PTK2: variants seen among roughly 807,000 people sequenced by gnomAD.
PTK2 encodes the protein protein tyrosine kinase 2, also known as focal adhesion kinase 1.
A neutral mutation model predicts 150.1 loss-of-function variants in PTK2; 45 were observed. That is an observed-to-expected ratio of 0.30 (90% CI 0.24 to 0.38). The LOEUF (loss-of-function observed/expected upper bound fraction) is 0.38, where lower values mean the gene tolerates loss of function less well. Among genes scored for constraint, PTK2 ranks in the 10% least tolerant of loss-of-function variants. The pLI, the probability that PTK2 is intolerant of heterozygous loss-of-function variation, is 1.00. For missense variants in PTK2, 919 were observed against 1,307.3 expected (o/e 0.70, Z 4.58); for synonymous variants, 432 against 449.2 (o/e 0.96, Z 0.48).
intron 21 of PTK2, among the ~76,000 whole-genome samples, chr8:140,736,488 T>C (rs903644834): frequency 6.7e-6 from 1 of 149,820 alleles, no homozygotes. Flanking sequence ...AATATATCCA[T>C]GTAACAAACC....
chr8:140,658,103 G>T (rs1223765008), exon 32 of PTK2: 1 of 152,164 alleles, frequency 6.6e-6, no homozygotes, highest in Non-Finnish European at 1.5e-5. Flanking sequence ...GTCCGAGTTA[G>T]CGGAATAGTG....
chr8:140,745,239 C>T (rs2100058031), intron 18 of PTK2, among the ~76,000 whole-genome samples: 1 of 152,158 alleles, frequency 6.6e-6, no homozygotes, highest in Non-Finnish European at 1.5e-5. Context: ...CCTCTTATTT[C>T]CTTCCCCATG....
At chr8:140,997,806 G>A (rs2100198368) in intron 1 of PTK2, among the ~76,000 whole-genome samples, 2 of 151,988 alleles carry the variant, frequency 1.3e-5, no homozygotes, top group Admixed American at 1.3e-4. Context: ...GGGAGTAGTG[G>A]TATGCACGTA....
chr8:140,764,513 C>A, intron 14 of PTK2: 2 of 531,906 alleles, frequency 3.8e-6, no homozygotes. Context: ...TATCGGAGAG[C>A]AAACAGGGCT....
intron 23 of PTK2, among the ~76,000 whole-genome samples, chr8:140,716,370 C>T (rs1191290795): frequency 6.6e-6 from 1 of 152,124 alleles, no homozygotes; most frequent in Non-Finnish European, 1.5e-5. Flanking sequence ...CTAGTTTTTT[C>T]TGTGGGTAAC....
intron 1 of PTK2, among the ~76,000 whole-genome samples, chr8:140,959,443 G>C (rs1426072723): frequency 6.6e-6 from 1 of 151,028 alleles, no homozygotes; most frequent in East Asian, 1.9e-4. Context: ...GGAGGCTGAG[G>C]TAAGAGAATG....
intron 1 of PTK2, among the ~76,000 whole-genome samples, chr8:140,967,644 G>C (rs909524995): frequency 1.1e-4 from 16 of 151,974 alleles, no homozygotes; most frequent in African/African-American, 3.4e-4. Context: ...ATTTTTAGTA[G>C]AGACAGGGTT....
intron 16 of PTK2, among the ~76,000 whole-genome samples, chr8:140,758,314 C>G (rs1346580402): frequency 2.0e-5 from 3 of 152,160 alleles, no homozygotes; most frequent in Non-Finnish European, 4.4e-5. Flanking sequence ...GTATTGAACT[C>G]CTGGGTTCGA....
At chr8:140,812,476 A>G (rs542663187) in intron 10 of PTK2, among the ~76,000 whole-genome samples, 30 of 152,358 alleles carry the variant, frequency 2.0e-4, no homozygotes, top group African/African-American at 7.0e-4. Context: ...AAGCAAACAC[A>G]CAAACAAGTT....
chr8:140,717,447 G>T, intron 23 of PTK2, 151 bp downstream of exon 26: 1 of 618,022 alleles, frequency 1.6e-6, no homozygotes, highest in Non-Finnish European at 2.9e-6. Context: ...ACGAGAAGAC[G>T]AGCAAAAAGG....
chr8:140,989,259 G>A (rs2100194686), intron 1 of PTK2, among the ~76,000 whole-genome samples: 1 of 148,440 alleles, frequency 6.7e-6, no homozygotes, highest in Admixed American at 6.8e-5. Context: ...TAGCCAGCAG[G>A]GTGATACACC....
intron 1 of PTK2, among the ~76,000 whole-genome samples, chr8:140,990,811 C>T (rs1370096840): frequency 6.6e-6 from 1 of 152,162 alleles, no homozygotes; most frequent in Non-Finnish European, 1.5e-5. Context: ...AATTGCCTCC[C>T]TTCAGATATT....
chr8:140,838,354 C>T (rs952012095), intron 7 of PTK2, among the ~76,000 whole-genome samples: 5 of 152,204 alleles, frequency 3.3e-5, no homozygotes, highest in Admixed American at 6.5e-5. Flanking sequence ...GAGAGAGCTG[C>T]TGGGGTTCCC....
chr8:140,916,966 G>A (rs1273309681), intron 2 of PTK2, among the ~76,000 whole-genome samples: 1 of 152,110 alleles, frequency 6.6e-6, no homozygotes, highest in Non-Finnish European at 1.5e-5. Context: ...GGAATAACAT[G>A]TATGTTTTTT....
chr8:140,995,227 C>T (rs2154610349), intron 1 of PTK2, among the ~76,000 whole-genome samples: 1 of 151,298 alleles, frequency 6.6e-6, no homozygotes, highest in Non-Finnish European at 1.5e-5. Context: ...ACTAAAAATA[C>T]AAAAAATTAG....
intron 1 of PTK2, among the ~76,000 whole-genome samples, chr8:140,955,834 G>A (rs2100181018): frequency 6.6e-6 from 1 of 152,200 alleles, no homozygotes; most frequent in African/African-American, 2.4e-5. Flanking sequence ...AGAACAAGGG[G>A]TAAAGAAGGT....
intron 27 of PTK2, among the ~76,000 whole-genome samples, chr8:140,676,284 G>C (rs940274609): frequency 2.6e-5 from 4 of 152,108 alleles, no homozygotes; most frequent in African/African-American, 9.7e-5. Flanking sequence ...GTTGAGGCAG[G>C]AGGACAGCTT....
intron 1 of PTK2, among the ~76,000 whole-genome samples, chr8:140,937,643 A>G (rs1184558262): frequency 1.3e-5 from 2 of 152,178 alleles, no homozygotes; most frequent in South Asian, 2.1e-4. Flanking sequence ...AATTGGAAAG[A>G]AAACAAAAAT....
rs117442251 is a variant in PTK2, at chr8:140,829,180, T to C, written c.648+1292A>G. ...ATATTTTTCCTGTACTATTCTTAAA[T>C]GCACGTCTTATTGCATTTCTAGAAT... On this transcript the variant is annotated intron_variant, in intron 8 of 31. Transcript: ENST00000522684. Among the ~76,000 whole-genome samples, 9 of 152,236 alleles carry C rather than the reference T, an allele frequency of 5.9e-5. 1 individual carries two copies. The highest frequency in any genetic ancestry group is 3.3e-4 in the Admixed American group (5 of 15,288).
Sources: gnomAD v4.1 joint callset for allele counts (sites outside exome capture counted in the v4.1 genomes callset) on GRCh38, gnomAD v4.1.1 for gene constraint, MANE v1.5 for transcripts, NCBI Gene and HGNC (gene_info 2026-07-23, HGNC 2026-07-21) for gene names.